The following DPYSL5 variants were observed in gnomAD, a reference collection of about 807,000 sequenced individuals.
DPYSL5 encodes dihydropyrimidinase like 5.
Under a neutral mutation model 58.4 loss-of-function variants are expected in DPYSL5, and 9 were observed. The ratio of observed to expected loss-of-function variants is 0.15; its 90% CI spans 0.09 to 0.27. The LOEUF (loss-of-function observed/expected upper bound fraction) is 0.27. Among genes scored for constraint, DPYSL5 ranks in the 10% least tolerant of loss-of-function variants. The pLI, the probability that DPYSL5 is intolerant of heterozygous loss-of-function variation, is 1.00. For synonymous variants in DPYSL5, 293 were observed against 301.9 expected, an observed-to-expected ratio of 0.97 and a Z score of 0.31; for missense variants, 499 against 770.6, an observed-to-expected ratio of 0.65 and a Z score of 4.17.
intron 2 of DPYSL5, among the ~76,000 whole-genome samples, chr2:26,912,814 G>A (rs1377041987): frequency 6.6e-6 from 1 of 152,176 alleles, no homozygotes; most frequent in African/African-American, 2.4e-5. Flanking sequence ...CTCAGTTTTC[G>A]CCCTGTAATT....
intron 1 of DPYSL5, among the ~76,000 whole-genome samples, chr2:26,862,957 G>A (rs1203696290): frequency 6.6e-6 from 1 of 152,144 alleles, no homozygotes; most frequent in Non-Finnish European, 1.5e-5. Flanking sequence ...GAGGGGAGGG[G>A]ACTTGTTGAG....
chr2:26,857,850 T>C (rs1409284422), intron 1 of DPYSL5, among the ~76,000 whole-genome samples: 1 of 152,214 alleles, frequency 6.6e-6, no homozygotes, highest in Non-Finnish European at 1.5e-5. Flanking sequence ...GGCACAACAA[T>C]ATGAGCACTA....
At position 26,942,854 on chromosome 2, in the gene DPYSL5, C is replaced by T. The variant is rs1665361572; in HGVS notation, c.1440+104C>T. 1.5e-6 allele frequency: 2 copies of T among 1,333,462 alleles called. No homozygotes were observed. Among genetic ancestry groups the T allele is most frequent in the Non-Finnish European group, 1.0e-6 (1 of 962,762 alleles). 82.6% of individuals were successfully genotyped at this position (1,333,462 alleles called of 1,614,324 possible). On this transcript the variant is annotated intron_variant, in intron 11 of 12. Coordinates refer to ENST00000288699, the MANE Select transcript of DPYSL5 (RefSeq NM_020134.4). The surrounding 1 kb of genome is among the most constrained non-coding windows in gnomAD (Gnocchi z 5.9). ...AAGAGATGTTCACTCCAGTTTTCGA[C>T]CCAATTCCATTGCACTTTCTCCAGC...
chr2:26,880,555 C>A (rs1201166408), intron 1 of DPYSL5, among the ~76,000 whole-genome samples: 2 of 152,234 alleles, frequency 1.3e-5, no homozygotes, highest in Non-Finnish European at 2.9e-5. Context: ...GCATCCTCAT[C>A]CCAGCTTCCT....
chr2:26,877,911 T>C lies in DPYSL5; in HGVS notation c.-4-20585T>C, dbSNP rs1374846876. ...CCTCTATTGTGTGAATATACCATTA[T>C]TTATTTAAACAGTCCTCCTATTGTC... On this transcript the variant is annotated intron_variant, in intron 1 of 12. Transcript: ENST00000288699. This position sits in a 1 kb window ranked among gnomAD's most constrained non-coding sequence, Gnocchi z 4.1. Among the ~76,000 whole-genome samples, 2 of 152,250 alleles carry C rather than the reference T, an allele frequency of 1.3e-5. No individual in the cohort carries two copies. The highest frequency in any genetic ancestry group is 4.8e-5 in the African/African-American group (2 of 41,470).
intron 9 of DPYSL5, among the ~76,000 whole-genome samples, chr2:26,940,663 C>A (rs1202897194): frequency 5.3e-5 from 8 of 151,666 alleles, no homozygotes; most frequent in Non-Finnish European, 1.2e-4. Context: ...ATATTTTTTT[C>A]TTTTACCAAC....
chr2:26,898,520 C>T lies in DPYSL5; in HGVS notation c.21C>T (p.Ser7=), dbSNP rs762608349. 6 of 1,613,932 alleles carry T rather than the reference C, an allele frequency of 3.7e-6. No individual in the cohort carries two copies. Among genetic ancestry groups the T allele is most frequent in the Admixed American group, 3.3e-5 (2 of 59,990 alleles). MLANSA[S]VRILIKGGKV... ...GGAACATGCTTGCCAACTCAGCCAG[C>T]GTGAGGATCCTCATCAAGGGAGGCA... is the stretch of plus-strand genomic sequence containing the variant. Residue 7 remains serine (S), a synonymous_variant, in exon 2 of 13, where the codon AGC becomes AGT. Transcript: ENST00000288699. This position sits in a 1 kb window ranked among gnomAD's most constrained non-coding sequence, Gnocchi z 6.1.
chr2:26,903,986 G>T (rs367649357), intron 2 of DPYSL5, among the ~76,000 whole-genome samples: 1 of 152,208 alleles, frequency 6.6e-6, no homozygotes, highest in African/African-American at 2.4e-5. Flanking sequence ...AGGCTATCTC[G>T]TCCCAGAGAC....
chr2:26,897,913 T>C (rs1355140737), intron 1 of DPYSL5, among the ~76,000 whole-genome samples: 1 of 152,146 alleles, frequency 6.6e-6, no homozygotes, highest in Non-Finnish European at 1.5e-5. Flanking sequence ...TGTGGACTTC[T>C]TGAAGCCAAA....
At position 26,940,052 on chromosome 2, in the gene DPYSL5, A is replaced by T; in HGVS notation, c.969A>T (p.Ala323=). ...CCAGTGACACTCTGAACATCGTGGC[A>T]TCAGATCACCGGCCTTTCACCACAA... ...LLANDTLNIV[A]SDHRPFTTKQ... Residue 323 remains alanine (A), a synonymous_variant, in exon 9 of 13, where the codon GCA becomes GCT. Transcript: ENST00000288699. The T allele has an allele frequency of 6.2e-7, 1 of 1,614,212 alleles. No homozygotes were observed. The highest frequency in any genetic ancestry group is 1.1e-5 in the South Asian group (1 of 91,084).
At chr2:26,936,027 C>T (rs1260547154) in intron 8 of DPYSL5, among the ~76,000 whole-genome samples, 1 of 152,176 alleles carries the variant, frequency 6.6e-6, no homozygotes, top group Non-Finnish European at 1.5e-5. Flanking sequence ...AGCCCACAGT[C>T]CAGGCAAGGT....
rs1665094930 is a variant in DPYSL5 at position 26,933,671 on chromosome 2, G to T, written c.790+338G>T. On this transcript the variant is annotated intron_variant, in intron 7 of 12. Transcript: ENST00000288699. The surrounding 1 kb of genome is among the most constrained non-coding windows in gnomAD (Gnocchi z 4.2). ...ATAGATTTTACTAGCAGTTGCCTTG[G>T]CAACTAACATAAAATGCTGGACCAG... 6.6e-6 allele frequency among the ~76,000 whole-genome samples: 1 copy of T among 152,118 alleles called. No individual in the cohort carries two copies. Among genetic ancestry groups the T allele is most frequent in the Non-Finnish European group, 1.5e-5 (1 of 68,028 alleles).
chr2:26,940,221 G>A (rs202177895), intron 9 of DPYSL5, 49 bp downstream of exon 9: 116 of 1,599,866 alleles, frequency 7.3e-5, no homozygotes, highest in Admixed American at 1.0e-4. Context: ...TCTAATCCCC[G>A]TTTCATCCCC....
chr2:26,945,189 C>A (rs147660525), intron 12 of DPYSL5, among the ~76,000 whole-genome samples: 26 of 152,146 alleles, frequency 1.7e-4, no homozygotes, highest in Non-Finnish European at 3.5e-4. Context: ...ACTGCACCGA[C>A]CAGCCCTTCG....
At chr2:26,885,829 T>C (rs1663704192) in intron 1 of DPYSL5, among the ~76,000 whole-genome samples, 1 of 152,100 alleles carries the variant, frequency 6.6e-6, no homozygotes, top group Non-Finnish European at 1.5e-5. Context: ...TGCCCCAGGG[T>C]TGGGTTCTAC....
intron 1 of DPYSL5, among the ~76,000 whole-genome samples, chr2:26,892,756 TGAGAGAGA>T (rs144430871): frequency 1.8e-3 from 245 of 138,816 alleles, no homozygotes; most frequent in East Asian, 8.1e-3. Flanking sequence ...TGGGTTTGTT[TGAGAGAGA>T]GAGAGAGAGA....
At chr2:26,848,130 C>T (rs1395668829), upstream of DPYSL5, 1 of 151,558 alleles carries the variant, frequency 6.6e-6, no homozygotes, top group African/African-American at 2.4e-5. Flanking sequence ...GCTGGGCGCG[C>T]TGAGGCGGCC....
At chr2:26,879,058 G>C (rs188258942) in intron 1 of DPYSL5, among the ~76,000 whole-genome samples, 1 of 152,320 alleles carries the variant, frequency 6.6e-6, no homozygotes, top group Admixed American at 6.5e-5. Flanking sequence ...TGAGCTCCAT[G>C]AGAGTTGGTT....
chr2:26,852,338 CT>C (rs1034697127), intron 1 of DPYSL5, among the ~76,000 whole-genome samples: 5 of 151,920 alleles, frequency 3.3e-5, no homozygotes, highest in Non-Finnish European at 5.9e-5. Context: ...CTTTGCCTTG[CT>C]TTTTTTTATG....
Sources: allele counts gnomAD v4.1 joint callset (sites outside exome capture counted in the v4.1 genomes callset), GRCh38; gene constraint gnomAD v4.1.1; non-coding constraint Gnocchi (gnomAD v3.1); transcripts MANE v1.5; gene names NCBI Gene and HGNC (gene_info 2026-07-23, HGNC 2026-07-21).